Variants in TFDP2 observed in about 807,000 individuals in gnomAD.
TFDP2 encodes transcription factor Dp-2.
A neutral mutation model predicts 59.3 loss-of-function variants in TFDP2; 17 were observed. The observed-to-expected ratio is 0.29, with a 90% CI of 0.20 to 0.43. The LOEUF (loss-of-function observed/expected upper bound fraction) is 0.43, where lower values mean the gene tolerates loss of function less well. TFDP2 is among the 20% of genes least tolerant of loss of function. TFDP2 has a pLI of 1.00. For synonymous variants in TFDP2, 180 were observed against 194.7 expected (o/e 0.92, Z 0.63); for missense variants, 391 against 528.8 (o/e 0.74, Z 2.56).
intron 3 of TFDP2, among the ~76,000 whole-genome samples, chr3:142,040,429 A>AAT (rs1444291244): frequency 6.8e-6 from 1 of 146,060 alleles, no homozygotes; most frequent in Non-Finnish European, 1.5e-5. Flanking sequence ...ATCTCTACAA[A>AAT]TTTTTTTTTT....
intron 3 of TFDP2, among the ~76,000 whole-genome samples, chr3:142,089,376 T>G (rs890566904): frequency 2.6e-5 from 4 of 151,836 alleles, no homozygotes; most frequent in Non-Finnish European, 4.4e-5. Context: ...TAATGAAAAT[T>G]GTCATATGTG....
chr3:142,061,887 TCTACACACAC>T (rs1393553339), intron 3 of TFDP2, among the ~76,000 whole-genome samples: 2 of 63,938 alleles, frequency 3.1e-5, no homozygotes, highest in Admixed American at 2.5e-4. Context: ...TCTCTCTCTC[TCTACACACAC>T]ACACACACAC....
At chr3:142,087,844 A>C (rs890276878) in intron 3 of TFDP2, among the ~76,000 whole-genome samples, 1 of 152,148 alleles carries the variant, frequency 6.6e-6, no homozygotes, top group African/African-American at 2.4e-5. Context: ...TCGCAGTCTA[A>C]TTAGCATTAC....
Position 142,105,315 on chromosome 3 carries a change from T to C in TFDP2, c.-92-3474A>G, listed in dbSNP as rs554197177. Among the ~76,000 whole-genome samples the C allele has an allele frequency of 1.8e-4, 27 of 152,298 alleles. No homozygotes were observed. The South Asian group carries it at 5.4e-3, about 30-fold the overall frequency. ...TCTTCCTTACAAGCTGAAGTGGCAA[T>C]GTGCCCCCAACTACAAATACTACAT... On this transcript the variant is annotated intron_variant, in intron 1 of 12. Coordinates refer to ENST00000489671, the MANE Select transcript of TFDP2 (RefSeq NM_001178139.2).
At chr3:142,137,480 C>T (rs1209103549) in intron 1 of TFDP2, among the ~76,000 whole-genome samples, 1 of 152,150 alleles carries the variant, frequency 6.6e-6, no homozygotes, top group Non-Finnish European at 1.5e-5. Context: ...GGGAATGCTT[C>T]CAGTTTTTGC....
chr3:142,073,182 G>A (rs1049373823), intron 3 of TFDP2, among the ~76,000 whole-genome samples: 18 of 152,094 alleles, frequency 1.2e-4, no homozygotes, highest in African/African-American at 4.1e-4. Flanking sequence ...TGATCCTCCC[G>A]CCTCAGCCTC....
chr3:142,084,526 T>C (rs561156398), intron 3 of TFDP2, among the ~76,000 whole-genome samples: 1 of 152,350 alleles, frequency 6.6e-6, no homozygotes, highest in East Asian at 1.9e-4. Flanking sequence ...TGTATTTCCA[T>C]GTTTGTTGCA....
intron 3 of TFDP2, among the ~76,000 whole-genome samples, chr3:142,042,324 G>C (rs746689340): frequency 4.7e-5 from 7 of 150,476 alleles, no homozygotes; most frequent in African/African-American, 7.3e-5. Flanking sequence ...ATGAAGTCTC[G>C]CTCTGTCACC....
chr3:142,114,293 G>A (rs1268463819), intron 1 of TFDP2, among the ~76,000 whole-genome samples: 1 of 151,986 alleles, frequency 6.6e-6, no homozygotes, highest in Non-Finnish European at 1.5e-5. Context: ...CTATATACAT[G>A]TTCCATCATA....
At chr3:142,057,191 T>G (rs2059775763) in intron 3 of TFDP2, among the ~76,000 whole-genome samples, 2 of 152,210 alleles carry the variant, frequency 1.3e-5, no homozygotes, top group African/African-American at 4.8e-5. Flanking sequence ...GAGGTCTGAA[T>G]GGCACACTTC....
At chr3:141,968,476 CATAT>C (rs1292779677) in intron 9 of TFDP2, among the ~76,000 whole-genome samples, 5 of 91,508 alleles carry the variant, frequency 5.5e-5, no homozygotes, top group African/African-American at 3.1e-4. Context: ...ATATATATAA[CATAT>C]ATATATCTCA....
At chr3:142,001,995 T>TTG (rs1553772134) in intron 4 of TFDP2, among the ~76,000 whole-genome samples, 1 of 150,596 alleles carries the variant, frequency 6.6e-6, no homozygotes. Context: ...GCCTGGTTTT[T>TTG]TTTTTTTTTT....
At chr3:142,062,394 A>AATATAT (rs146504746) in intron 3 of TFDP2, among the ~76,000 whole-genome samples, 155 of 141,188 alleles carry the variant, frequency 1.1e-3, no homozygotes, top group Middle Eastern at 3.7e-3. Context: ...TATATTATAT[A>AATATAT]ATATATATGT....
chr3:142,088,714 A>T (rs1448248436), intron 3 of TFDP2, among the ~76,000 whole-genome samples: 1 of 151,118 alleles, frequency 6.6e-6, no homozygotes, highest in Non-Finnish European at 1.5e-5. Flanking sequence ...GGACTCAGGA[A>T]ATCCTTCCAC....
rs1205944236 is a variant in TFDP2, at chr3:141,950,677, G to C, written c.*1836C>G. 1.3e-5 allele frequency: 2 copies of C among 152,644 alleles called. No individual in the cohort carries two copies. Among genetic ancestry groups the C allele is most frequent in the Non-Finnish European group, 2.9e-5 (2 of 68,058 alleles). The allele number at this position is 152,644 out of a possible 1,614,324, so 9.5% of individuals were successfully genotyped here. A position where few individuals can be genotyped will look rare whatever the true frequency, so the allele number is the denominator to read the frequency against. ...TGGGTCCCAGAGATGAGAAAGGGTG[G>C]AGTTAGTAAAAGAGGAGGCTGCCCC... On this transcript the variant is annotated 3_prime_UTR_variant, in exon 13 of 13. Transcript: ENST00000489671.
At chr3:141,985,738 A>AT (rs1196771806) in intron 6 of TFDP2, among the ~76,000 whole-genome samples, 1 of 152,136 alleles carries the variant, frequency 6.6e-6, no homozygotes, top group Non-Finnish European at 1.5e-5. Context: ...ACACAAAAGC[A>AT]TAAGTAACAC....
chr3:142,086,561 CA>C (rs1163798810), intron 3 of TFDP2, among the ~76,000 whole-genome samples: 1 of 152,120 alleles, frequency 6.6e-6, no homozygotes, highest in Non-Finnish European at 1.5e-5. Flanking sequence ...TGAACAAGAT[CA>C]ACAGCCAGAT....
chr3:142,002,327 T>TTG (rs1943863718), intron 4 of TFDP2, among the ~76,000 whole-genome samples: 1 of 148,244 alleles, frequency 6.7e-6, no homozygotes, highest in African/African-American at 2.5e-5. Context: ...GTTTTTTTTT[T>TTG]TTTTTTTTTT....
intron 3 of TFDP2, among the ~76,000 whole-genome samples, chr3:142,028,029 A>C (rs1272275282): frequency 6.6e-6 from 1 of 152,228 alleles, no homozygotes; most frequent in Non-Finnish European, 1.5e-5. Context: ...AAATACTTTT[A>C]AGAAAAATGT....
Sources: allele counts gnomAD v4.1 joint callset (sites outside exome capture counted in the v4.1 genomes callset), GRCh38; gene constraint gnomAD v4.1.1; transcripts MANE v1.5; gene names NCBI Gene and HGNC (gene_info 2026-07-23, HGNC 2026-07-21).